The following JAM3 variants were observed in gnomAD, a reference collection of about 807,000 sequenced individuals.
The protein encoded by JAM3 is junctional adhesion molecule C.
Under a neutral mutation model 39.4 loss-of-function variants are expected in JAM3, and 31 were observed. That is an observed-to-expected ratio of 0.79 (90% CI 0.59 to 1.06). The LOEUF is 1.06. Among genes scored for constraint, JAM3 ranks in the 50% least tolerant of loss-of-function variants. The pLI, the probability that JAM3 is intolerant of heterozygous loss-of-function variation, is 0.00. For synonymous variants in JAM3, 182 were observed against 148.7 expected (o/e 1.22, Z -1.63); for missense variants, 455 against 391.4 (o/e 1.16, Z -1.37).
At chr11:134,084,591 T>G (rs1200198769) in intron 1 of JAM3, among the ~76,000 whole-genome samples, 3 of 152,208 alleles carry the variant, frequency 2.0e-5, no homozygotes, top group African/African-American at 7.2e-5. Context: ...TTGTTTTTCA[T>G]CAATAAGTGG....
At chr11:134,077,694 C>T (rs1245200780) in intron 1 of JAM3, among the ~76,000 whole-genome samples, 2 of 114,186 alleles carry the variant, frequency 1.8e-5, no homozygotes, top group Admixed American at 1.2e-4. Flanking sequence ...TTTGCTCTTT[C>T]GCCCATGCTG....
At chr11:134,144,196 G>C (rs571902788) in intron 3 of JAM3, 45 bp from the exon 4 acceptor site, 1 of 1,612,468 alleles carries the variant, frequency 6.2e-7, no homozygotes, top group East Asian at 2.2e-5. Context: ...AAGTGGCAAA[G>C]ATTTCTTTAA....
At chr11:134,110,585 G>A (rs186470614) in intron 1 of JAM3, among the ~76,000 whole-genome samples, 54 of 152,256 alleles carry the variant, frequency 3.5e-4, no homozygotes, top group Non-Finnish European at 6.8e-4. Flanking sequence ...AAAATTCTAG[G>A]AAATCCAAAC....
intron 1 of JAM3, among the ~76,000 whole-genome samples, chr11:134,109,357 G>C (rs867343926): frequency 6.6e-6 from 1 of 152,222 alleles, no homozygotes; most frequent in Non-Finnish European, 1.5e-5. Flanking sequence ...AAGAAGTAAA[G>C]CTGTCTTCAT....
intron 1 of JAM3, among the ~76,000 whole-genome samples, chr11:134,076,393 G>A (rs1941570452): frequency 6.6e-6 from 1 of 151,956 alleles, no homozygotes; most frequent in Non-Finnish European, 1.5e-5. Context: ...GACCTCAGGT[G>A]ATCCGCCTGC....
intron 5 of JAM3, chr11:134,145,509 C>T: frequency 3.1e-6 from 1 of 323,100 alleles, no homozygotes; most frequent in South Asian, 2.9e-5. Context: ...CACTAGAGGA[C>T]AAAGTGACCT....
chr11:134,069,291 C>T, intron 1 of JAM3, 132 bp downstream of exon 1: 1 of 1,259,932 alleles, frequency 7.9e-7, no homozygotes, highest in Non-Finnish European at 1.1e-6. Flanking sequence ...GGTCCCGGGC[C>T]GGAGGGGCGG....
At chr11:134,080,799 G>T (rs373751365) in intron 1 of JAM3, among the ~76,000 whole-genome samples, 6 of 152,150 alleles carry the variant, frequency 3.9e-5, no homozygotes, top group African/African-American at 1.4e-4. Flanking sequence ...TTTGGAACTG[G>T]GTAATAGGCA....
chr11:134,125,448 G>A (rs1206759536), intron 1 of JAM3, among the ~76,000 whole-genome samples: 2 of 152,246 alleles, frequency 1.3e-5, no homozygotes, highest in Admixed American at 1.3e-4. Flanking sequence ...TTTATTTGTT[G>A]CTTTCTTTTT....
At chr11:134,117,921 T>C (rs1942468040) in intron 1 of JAM3, among the ~76,000 whole-genome samples, 2 of 152,194 alleles carry the variant, frequency 1.3e-5, no homozygotes, top group African/African-American at 4.8e-5. Flanking sequence ...GGATGGGGGT[T>C]AATGCAGAAT....
intron 1 of JAM3, among the ~76,000 whole-genome samples, chr11:134,119,439 A>T (rs879340371): frequency 6.6e-6 from 1 of 152,218 alleles, no homozygotes; most frequent in African/African-American, 2.4e-5. Flanking sequence ...TTTTCTTTTA[A>T]GAAGTGCCAT....
At chr11:134,139,534 GGGA>G in intron 1 of JAM3, 1 of 366,348 alleles carries the variant, frequency 2.7e-6, no homozygotes, top group Non-Finnish European at 5.3e-6. Flanking sequence ...GGGCAGGTCT[GGGA>G]GGAGAGGTGT....
Position 134,108,847 on chromosome 11 carries a change from G to A in JAM3, c.77-31004G>A, listed in dbSNP as rs193145945. 1.7e-3 allele frequency among the ~76,000 whole-genome samples: 252 copies of A among 152,224 alleles called. 1 individual carries two copies. Among genetic ancestry groups the A allele is most frequent in the South Asian group, 2.7e-3 (13 of 4,828 alleles). On this transcript the variant is annotated intron_variant, in intron 1 of 8. Transcript: ENST00000299106. Reference sequence around the variant, plus strand: ...ATAAACCAAAAGCTGGTTCAATTAAGCCAAAAATTAGGAATAGAGGGAGTT... The same window carrying A: ...ATAAACCAAAAGCTGGTTCAATTAAACCAAAAATTAGGAATAGAGGGAGTT...
chr11:134,107,995 A>G (rs1264790062), intron 1 of JAM3, among the ~76,000 whole-genome samples: 1 of 152,134 alleles, frequency 6.6e-6, no homozygotes, highest in Non-Finnish European at 1.5e-5. Context: ...AACAACAGAA[A>G]AAAACCAGTA....
At chr11:134,137,742 C>G (rs1942895189) in intron 1 of JAM3, among the ~76,000 whole-genome samples, 1 of 128,698 alleles carries the variant, frequency 7.8e-6, no homozygotes, top group African/African-American at 3.0e-5. Flanking sequence ...GGCGTCTCGT[C>G]AAAGTCGTGG....
chr11:134,094,716 C>T (rs545257551), intron 1 of JAM3, among the ~76,000 whole-genome samples: 6 of 152,218 alleles, frequency 3.9e-5, no homozygotes, highest in African/African-American at 1.2e-4. Flanking sequence ...TATACACTTT[C>T]GTGGCCCCTA....
chr11:134,108,132 T>A (rs1200848743), intron 1 of JAM3, among the ~76,000 whole-genome samples: 1 of 151,916 alleles, frequency 6.6e-6, no homozygotes, highest in African/African-American at 2.4e-5. Flanking sequence ...ATAAACACAT[T>A]AAAAGAATGA....
intron 1 of JAM3, among the ~76,000 whole-genome samples, chr11:134,097,059 C>T (rs1941996897): frequency 1.3e-5 from 2 of 152,054 alleles, no homozygotes; most frequent in South Asian, 4.1e-4. Context: ...CACTGCCCTC[C>T]AGAAGTCCCT....
At chr11:134,123,971 A>T in intron 1 of JAM3, 1 of 1,512,828 alleles carries the variant, frequency 6.6e-7, no homozygotes, top group Non-Finnish European at 9.2e-7. Flanking sequence ...ACTTCATTCC[A>T]TATTCAATCA....
Sources: gnomAD v4.1 joint callset for allele counts (sites outside exome capture counted in the v4.1 genomes callset) on GRCh38, gnomAD v4.1.1 for gene constraint, MANE v1.5 for transcripts, NCBI Gene and HGNC (gene_info 2026-07-23, HGNC 2026-07-21) for gene names.